Variants in HEATR4 observed in about 807,000 individuals in gnomAD.
HEATR4 encodes HEAT repeat containing 4, also known as HEAT repeat-containing protein 4.
A neutral mutation model predicts 108.8 loss-of-function variants in HEATR4; 95 were observed. The ratio of observed to expected loss-of-function variants is 0.87; its 90% confidence interval spans 0.74 to 1.04. The LOEUF (loss-of-function observed/expected upper bound fraction) is 1.04, where lower values mean the gene tolerates loss of function less well. Among genes scored for constraint, HEATR4 ranks in the 50% least tolerant of loss-of-function variants. The pLI is 0.00. For missense variants in HEATR4, 1,152 were observed against 1,253.8 expected (o/e 0.92, Z 1.23); for synonymous variants, 443 against 459.4 (o/e 0.96, Z 0.46).
Position 73,501,571 on chromosome 14 carries a change from T to C in HEATR4, c.2106-841A>G, listed in dbSNP as rs866433460. On this transcript the variant is annotated intron_variant, in intron 11 of 17. Transcript: ENST00000553558. The stretch of plus-strand genomic sequence containing the variant: ...CGGCTCCTATGCAGTCTCTCTCTCT[T>C]TTTTTTTTTTTTTTTTTTTTGAGAT... 1.2e-4 allele frequency among the ~76,000 whole-genome samples: 12 copies of C among 103,070 alleles called. No individual in the cohort carries two copies. The Middle Eastern group carries it at 0.013, about 113-fold the overall frequency. The allele number at this position is 103,070 out of a possible 152,430, so 67.6% of individuals were successfully genotyped here.
chr14:73,490,815 T>C (rs896824412), intron 17 of HEATR4: 1 of 486,970 alleles, frequency 2.1e-6, no homozygotes. Flanking sequence ...GCAAGGGTTC[T>C]TGCCGCTGCC....
At chr14:73,498,437 C>CAAAAGGGAAGGTATT in intron 13 of HEATR4, 93 bp from the exon 14 acceptor site, 1 of 1,100,870 alleles carries the variant, frequency 9.1e-7, no homozygotes, top group Non-Finnish European at 1.3e-6. Context: ...CAATACCTTC[C>CAAAAGGGAAGGTATT]CTTTTGGATG....
the HEATR4 span, chr14:73,593,993 G>C: frequency 8.2e-7 from 1 of 1,226,918 alleles, no homozygotes; most frequent in Non-Finnish European, 1.1e-6. Context: ...ATGCTGCTCT[G>C]TTCCTCTTTC....
In HEATR4 at chr14:73,532,319, C is replaced by G. The variant is rs141230120; in HGVS notation, c.-151-2075G>C. Among the ~76,000 whole-genome samples the G allele has an allele frequency of 1.1e-3, 129 of 116,350 alleles. 31 individuals are homozygous for G. The highest frequency in any genetic ancestry group is 3.3e-3 in the African/African-American group (117 of 35,802). 76.3% of individuals were successfully genotyped at this position (116,350 alleles called of 152,430 possible). A position where few individuals can be genotyped will look rare whatever the true frequency, so the allele number is the denominator to read the frequency against. On this transcript the variant is annotated intron_variant, in intron 1 of 17. Coordinates refer to ENST00000553558, the MANE Select transcript of HEATR4 (RefSeq NM_001220484.1). The stretch of plus-strand genomic sequence containing the variant: ...CTGGCTAGATTATTAGCCATTAACA[C>G]TAGCTTTTACAAGGAGACTCTTCAA...
chr14:73,603,250 T>C, the HEATR4 span, among the ~76,000 whole-genome samples: 1 of 152,240 alleles, frequency 6.6e-6, no homozygotes, highest in Non-Finnish European at 1.5e-5. Flanking sequence ...AAAGAAGCAG[T>C]TTATGACCTT....
chr14:73,568,577 G>T, the HEATR4 span, among the ~76,000 whole-genome samples: 1 of 151,460 alleles, frequency 6.6e-6, no homozygotes, highest in African/African-American at 2.4e-5. Flanking sequence ...AAAAAAAAAA[G>T]TAACCCTTGC....
chr14:73,491,251 G>A, intron 17 of HEATR4: 4 of 1,582,238 alleles, frequency 2.5e-6, no homozygotes, highest in Non-Finnish European at 3.4e-6. Context: ...TGGGGGACGC[G>A]CTACCCGGTG....
chr14:73,619,226 C>T, the HEATR4 span: 2 of 1,539,028 alleles, frequency 1.3e-6, no homozygotes, highest in Non-Finnish European at 1.7e-6. Context: ...TCTCTTTTTC[C>T]TCAACAGGTG....
chr14:73,574,021 C>G, the HEATR4 span, among the ~76,000 whole-genome samples: 1 of 141,346 alleles, frequency 7.1e-6, no homozygotes, highest in Non-Finnish European at 1.5e-5. Context: ...CCACTATGCC[C>G]AGCCTAATAT....
At chr14:73,633,256 C>T in the HEATR4 span, among the ~76,000 whole-genome samples, 1 of 152,124 alleles carries the variant, frequency 6.6e-6, no homozygotes, top group Non-Finnish European at 1.5e-5. Flanking sequence ...CCATCCGCTT[C>T]GGCCTCCTAA....
Position 73,551,717 on chromosome 14 carries a change from A to G in HEATR4, c.-152+7034T>C, listed in dbSNP as rs1208743973. On this transcript the variant is annotated intron_variant, in intron 1 of 17. Transcript: ENST00000553558. ...CAGCTACTCAGGAGGCTGAGGCAGG[A>G]GAATCGCTTGAACCCCAGGAGGCCG... 1.2e-4 allele frequency among the ~76,000 whole-genome samples: 13 copies of G among 109,966 alleles called. 4 individuals are homozygous for G. The highest frequency in any genetic ancestry group is 3.9e-4 in the African/African-American group (13 of 33,488). 72.1% of individuals were successfully genotyped at this position (109,966 alleles called of 152,430 possible). A position where few individuals can be genotyped will look rare whatever the true frequency, so the allele number is the denominator to read the frequency against.
intron 12 of HEATR4, among the ~76,000 whole-genome samples, chr14:73,499,558 T>C (rs970558436): frequency 6.6e-6 from 1 of 152,140 alleles, no homozygotes; most frequent in African/African-American, 2.4e-5. Flanking sequence ...GGAGCTATAA[T>C]TGAAAAATGA....
chr14:73,597,036 G>T, the HEATR4 span, among the ~76,000 whole-genome samples: 1 of 151,792 alleles, frequency 6.6e-6, no homozygotes, highest in African/African-American at 2.4e-5. Context: ...GAAAAACTAC[G>T]CTTATCACAG....
the HEATR4 span, among the ~76,000 whole-genome samples, chr14:73,608,338 T>C: frequency 6.6e-6 from 1 of 152,188 alleles, no homozygotes; most frequent in African/African-American, 2.4e-5. Flanking sequence ...CCCTAAATCA[T>C]CTCTTTCAAG....
chr14:73,621,782 T>C, the HEATR4 span, among the ~76,000 whole-genome samples: 2 of 142,608 alleles, frequency 1.4e-5, no homozygotes, highest in African/African-American at 5.5e-5. Flanking sequence ...TTTTTTTTTT[T>C]TGAGACAGTC....
the HEATR4 span, chr14:73,619,843 T>G: frequency 4.4e-6 from 7 of 1,583,116 alleles, no homozygotes; most frequent in Non-Finnish European, 6.0e-6. Context: ...AATATAACAT[T>G]GTAGCCACAG....
upstream of HEATR4, among the ~76,000 whole-genome samples, chr14:73,561,101 C>G (rs1173950387): frequency 1.3e-5 from 2 of 152,110 alleles, no homozygotes; most frequent in Non-Finnish European, 2.9e-5. Flanking sequence ...CGTGGTGGCT[C>G]AGGCCTGTAA....
Position 73,523,109 on chromosome 14 carries a change from A to C in HEATR4, c.44T>G (p.Phe15Cys). Residue 15 changes from phenylalanine to cysteine, a missense_variant, in exon 3 of 18, where the codon TTC (phenylalanine) becomes TGC (cysteine). Physicochemically the swap from Phe to Cys is radical, Grantham distance 205 (BLOSUM62 -2). Coordinates refer to ENST00000553558, the MANE Select transcript of HEATR4 (RefSeq NM_001220484.1). ...QKGKTFLPHC[F>C]YQSLPPRLGW... is the part of the protein sequence containing the mutation. ...CAGTCGTGGGGGCAGTGACTGATAG[A>C]AGCAATGGGGGAGAAAGGTCTTTCC... The C allele has an allele frequency of 6.2e-7, 1 of 1,609,008 alleles. No individual in the cohort carries two copies. The highest frequency in any genetic ancestry group is 8.5e-7 in the Non-Finnish European group (1 of 1,179,940).
the HEATR4 span, chr14:73,591,906 G>A: frequency 7.6e-7 from 1 of 1,322,770 alleles, no homozygotes; most frequent in Non-Finnish European, 9.7e-7. Context: ...CGCTTGCCAC[G>A]ATCTTGGACG....
Sources: allele counts gnomAD v4.1 joint callset (sites outside exome capture counted in the v4.1 genomes callset), GRCh38; gene constraint gnomAD v4.1.1; transcripts MANE v1.5; gene names NCBI Gene and HGNC (gene_info 2026-07-23, HGNC 2026-07-21).